Variants in UST observed in about 807,000 individuals in gnomAD.
UST encodes uronyl 2-sulfotransferase.
A neutral mutation model predicts 45.6 loss-of-function variants in UST; 21 were observed. The observed-to-expected ratio is 0.46, with a 90% CI of 0.33 to 0.66. UST has a LOEUF of 0.66. Ranked by LOEUF, UST falls within the 30% of genes least tolerant of loss-of-function variation. The probability of loss-of-function intolerance (pLI) is 0.02; values close to 1 mark genes in which losing one functional copy is unlikely to be tolerated. For synonymous variants in UST, 215 were observed against 200.6 expected, an observed-to-expected ratio of 1.07 and a Z score of -0.61; for missense variants, 463 against 512.4, an observed-to-expected ratio of 0.90 and a Z score of 0.93.
chr6:148,756,130 G>A (rs1776094079), intron 1 of UST, among the ~76,000 whole-genome samples: 1 of 151,380 alleles, frequency 6.6e-6, no homozygotes, highest in Non-Finnish European at 1.5e-5. Flanking sequence ...CCTTGTGATA[G>A]TTTGCTGAGA....
chr6:149,067,322 A>T (rs759062975), intron 7 of UST, among the ~76,000 whole-genome samples: 3 of 152,234 alleles, frequency 2.0e-5, no homozygotes, highest in African/African-American at 7.2e-5. Flanking sequence ...TTCTAGGTAG[A>T]TAAGGGAACT....
chr6:148,896,124 G>A (rs1033105119), intron 2 of UST, among the ~76,000 whole-genome samples: 7 of 152,228 alleles, frequency 4.6e-5, no homozygotes, highest in African/African-American at 1.7e-4. Context: ...GGTGACCTTG[G>A]AGAAGATTTC....
chr6:149,071,842 C>T (rs1388662888), intron 7 of UST, among the ~76,000 whole-genome samples: 1 of 152,110 alleles, frequency 6.6e-6, no homozygotes, highest in East Asian at 1.9e-4. Context: ...CTTGAATAGA[C>T]ATTTCTCTAA....
chr6:148,931,372 T>C (rs1779918544), intron 2 of UST, among the ~76,000 whole-genome samples: 1 of 152,220 alleles, frequency 6.6e-6, no homozygotes, highest in Non-Finnish European at 1.5e-5. Flanking sequence ...GCATGTTTTA[T>C]TTGGAGATTT....
intron 5 of UST, among the ~76,000 whole-genome samples, chr6:148,970,786 G>A (rs986733132): frequency 6.6e-6 from 1 of 152,122 alleles, no homozygotes; most frequent in Non-Finnish European, 1.5e-5. Flanking sequence ...ACCAACGGTG[G>A]GTTGAGCCCC....
intron 1 of UST, among the ~76,000 whole-genome samples, chr6:148,813,492 C>T (rs1777298438): frequency 6.6e-6 from 1 of 152,100 alleles, no homozygotes; most frequent in South Asian, 2.1e-4. Flanking sequence ...AGTGATTCTC[C>T]TGCGTCAGCC....
At chr6:149,054,585 G>A (rs1776535879) in intron 7 of UST, among the ~76,000 whole-genome samples, 1 of 152,088 alleles carries the variant, frequency 6.6e-6, no homozygotes, top group South Asian at 2.1e-4. Flanking sequence ...ATTGTCGGGG[G>A]GCAGGCATTT....
intron 3 of UST, among the ~76,000 whole-genome samples, chr6:148,946,684 G>A (rs896554840): frequency 6.0e-5 from 9 of 149,610 alleles, no homozygotes; most frequent in African/African-American, 2.2e-4. Flanking sequence ...CGTGGTGGCG[G>A]GTGCCTGTAG....
At chr6:148,821,979 G>A (rs73778913) in intron 1 of UST, among the ~76,000 whole-genome samples, 2,015 of 152,260 alleles carry the variant, frequency 0.013, 41 homozygotes, top group African/African-American at 0.045. Context: ...CATCCTTTGA[G>A]CGGTTCCCTT....
At chr6:148,751,313 T>C (rs901878215) in intron 1 of UST, among the ~76,000 whole-genome samples, 1 of 152,204 alleles carries the variant, frequency 6.6e-6, no homozygotes, top group African/African-American at 2.4e-5. Flanking sequence ...CCCCACTGTT[T>C]TGAGGGAAGG....
At chr6:149,042,610 C>G (rs550138933) in intron 7 of UST, among the ~76,000 whole-genome samples, 1 of 152,288 alleles carries the variant, frequency 6.6e-6, no homozygotes, top group East Asian at 1.9e-4. Context: ...GATGTCCAGG[C>G]GTGGCCTGTG....
At chr6:148,850,527 A>G (rs980027882) in intron 1 of UST, among the ~76,000 whole-genome samples, 2 of 152,186 alleles carry the variant, frequency 1.3e-5, no homozygotes, top group Non-Finnish European at 2.9e-5. Context: ...ACACTTCACT[A>G]TTTTAAAGAA....
chr6:148,926,254 C>T (rs1330567819), intron 2 of UST, among the ~76,000 whole-genome samples: 1 of 152,204 alleles, frequency 6.6e-6, no homozygotes, highest in Non-Finnish European at 1.5e-5. Flanking sequence ...ACTCTTTTCA[C>T]TGTGAGTGCA....
intron 1 of UST, among the ~76,000 whole-genome samples, chr6:148,755,130 T>C (rs1331515685): frequency 6.6e-6 from 1 of 152,208 alleles, no homozygotes; most frequent in African/African-American, 2.4e-5. Context: ...ATGGAGCCGA[T>C]GAGCTCAGCA....
At chr6:148,929,281 G>GATTAATCTAAGCCTAGC (rs1554227098) in intron 2 of UST, among the ~76,000 whole-genome samples, 1 of 152,160 alleles carries the variant, frequency 6.6e-6, no homozygotes, top group Non-Finnish European at 1.5e-5. Flanking sequence ...AGTGAGTCCT[G>GATTAATCTAAGCCTAGC]ATTAATCTAA....
At chr6:148,943,524 A>T (rs1232237706) in intron 3 of UST, among the ~76,000 whole-genome samples, 1 of 152,234 alleles carries the variant, frequency 6.6e-6, no homozygotes, top group Non-Finnish European at 1.5e-5. Flanking sequence ...CAATTTACTA[A>T]CCATGTATAG....
At chr6:148,786,059 T>C (rs1368946597) in intron 1 of UST, among the ~76,000 whole-genome samples, 1 of 152,146 alleles carries the variant, frequency 6.6e-6, no homozygotes, top group Non-Finnish European at 1.5e-5. Context: ...TCTTAAGACA[T>C]TTTTGCTTAA....
chr6:148,905,502 C>G (rs1037469666), intron 2 of UST, among the ~76,000 whole-genome samples: 1 of 152,234 alleles, frequency 6.6e-6, no homozygotes, highest in Non-Finnish European at 1.5e-5. Flanking sequence ...TCCCCTCTGC[C>G]TTTCCCTGGG....
At chr6:148,961,904 C>T (rs116464143) in intron 4 of UST, among the ~76,000 whole-genome samples, 62 of 152,264 alleles carry the variant, frequency 4.1e-4, no homozygotes, top group African/African-American at 1.4e-3. Flanking sequence ...GAAATTGCTT[C>T]CCTACTCAGG....
Sources: gnomAD v4.1 joint callset for allele counts (sites outside exome capture counted in the v4.1 genomes callset) on GRCh38, gnomAD v4.1.1 for gene constraint, MANE v1.5 for transcripts, NCBI Gene and HGNC (gene_info 2026-07-23, HGNC 2026-07-21) for gene names.